The following RHBDL3 variants were observed in gnomAD, a reference collection of about 807,000 sequenced individuals.
The protein encoded by RHBDL3 is rhomboid-related protein 3.
A neutral mutation model predicts 48.2 loss-of-function variants in RHBDL3; 28 were observed. That is an observed-to-expected ratio of 0.58 (90% CI 0.43 to 0.80). RHBDL3 has a LOEUF of 0.80. RHBDL3 is among the 30% of genes least tolerant of loss of function. RHBDL3 has a pLI of 0.00. For synonymous variants in RHBDL3, 208 were observed against 232.3 expected, an observed-to-expected ratio of 0.90 and a Z score of 0.95; for missense variants, 464 against 542.7, an observed-to-expected ratio of 0.85 and a Z score of 1.44.
rs550154434 is a variant in RHBDL3, at chr17:32,287,120, G to A, written c.295-1672G>A. Among the ~76,000 whole-genome samples, 15 of 152,280 alleles carry A rather than the reference G, an allele frequency of 9.9e-5. 1 individual carries two copies. The East Asian group carries it at 2.9e-3, about 29-fold the overall frequency. On this transcript the variant is annotated intron_variant, in intron 3 of 8. Transcript: ENST00000269051. ...CCTTTTTTACTGTTTTTACACTTCT[G>A]TCTCCACTTGTAAGCTCCATGAGGC...
chr17:32,295,478 G>C (rs1490447503), intron 5 of RHBDL3, among the ~76,000 whole-genome samples: 1 of 152,254 alleles, frequency 6.6e-6, no homozygotes, highest in Non-Finnish European at 1.5e-5. Context: ...GGAGCAGCGG[G>C]ATGGCTGTCA....
At chr17:32,308,268 C>T (rs1396427781) in intron 7 of RHBDL3, among the ~76,000 whole-genome samples, 1 of 152,172 alleles carries the variant, frequency 6.6e-6, no homozygotes, top group Non-Finnish European at 1.5e-5. Flanking sequence ...CAGAGCATGA[C>T]ACATGGGGAG....
intron 2 of RHBDL3, among the ~76,000 whole-genome samples, chr17:32,274,679 G>T (rs1250557166): frequency 1.3e-5 from 2 of 152,112 alleles, no homozygotes; most frequent in Non-Finnish European, 2.9e-5. Flanking sequence ...GACCAGCCTG[G>T]TCAACATAAC....
chr17:32,275,412 C>G (rs1040490868), intron 2 of RHBDL3, among the ~76,000 whole-genome samples: 3 of 152,148 alleles, frequency 2.0e-5, no homozygotes, highest in Non-Finnish European at 4.4e-5. Context: ...GCCTGGGAGG[C>G]CTTGTGAGGA....
intron 2 of RHBDL3, among the ~76,000 whole-genome samples, chr17:32,276,142 G>A (rs1007732915): frequency 6.6e-6 from 1 of 152,042 alleles, no homozygotes; most frequent in African/African-American, 2.4e-5. Context: ...AAACAAATGT[G>A]AAAGTCAGTA....
chr17:32,290,987 C>T (rs1020278716), intron 4 of RHBDL3, among the ~76,000 whole-genome samples: 1 of 127,802 alleles, frequency 7.8e-6, no homozygotes, highest in Non-Finnish European at 1.5e-5. Context: ...AGTGACAGAG[C>T]GAGACCCTGT....
chr17:32,302,708 G>C (rs1461119307), intron 6 of RHBDL3, among the ~76,000 whole-genome samples: 1 of 152,072 alleles, frequency 6.6e-6, no homozygotes, highest in East Asian at 1.9e-4. Context: ...TCACCAATGT[G>C]GGGGCAGGTG....
chr17:32,310,704 C>T (rs2040824179), intron 7 of RHBDL3, among the ~76,000 whole-genome samples: 1 of 139,660 alleles, frequency 7.2e-6, no homozygotes, highest in Non-Finnish European at 1.6e-5. Context: ...CAGATAGAGA[C>T]TCCGTCTAAA....
intron 6 of RHBDL3, 118 bp downstream of exon 6, chr17:32,298,322 G>A: frequency 1.6e-6 from 1 of 623,332 alleles, no homozygotes; most frequent in Non-Finnish European, 2.8e-6. Context: ...CATCTCCAAG[G>A]CTCCTGACTT....
At chr17:32,298,369 G>T (rs145987993) in intron 6 of RHBDL3, among the ~76,000 whole-genome samples, 165 bp downstream of exon 6, 80 of 152,368 alleles carry the variant, frequency 5.3e-4, no homozygotes, top group African/African-American at 1.8e-3. Context: ...ACCTCCCTAT[G>T]AGGCTGGAGA....
At chr17:32,271,019 G>A (rs963329259) in intron 2 of RHBDL3, among the ~76,000 whole-genome samples, 2 of 152,108 alleles carry the variant, frequency 1.3e-5, no homozygotes, top group Admixed American at 1.3e-4. Context: ...AACATAGCGA[G>A]ACCCCACCTC....
Position 32,321,101 on chromosome 17 carries a change from C to T in RHBDL3, c.1087C>T (p.Gln363Ter). ...CGTGGTGGTCCTGAGGAACTACGAG[C>T]AGAGGCTCCAGGACCAGTCACTGTG... ...LGVVVLRNYEQRLQDQSLWWI... is the reference protein window; with the variant it reads ...LGVVVLRNYE Residue 363 changes from glutamine to a stop codon, truncating the protein, a stop_gained, in exon 9 of 9, where the codon CAG becomes TAG. Transcript: ENST00000269051. LOFTEE classifies it high-confidence loss of function. The T allele has an allele frequency of 1.9e-6, 3 of 1,614,248 alleles. No individual in the cohort carries two copies. The South Asian group carries it at 3.3e-5, about 18-fold the overall frequency.
At chr17:32,299,992 G>A (rs1053274918) in intron 6 of RHBDL3, among the ~76,000 whole-genome samples, 3 of 152,160 alleles carry the variant, frequency 2.0e-5, no homozygotes, top group Admixed American at 6.6e-5. Flanking sequence ...TAGATTGGAC[G>A]GGTGGCACTT....
chr17:32,319,059 G>C (rs954093950), intron 8 of RHBDL3, among the ~76,000 whole-genome samples: 1 of 151,690 alleles, frequency 6.6e-6, no homozygotes, highest in South Asian at 2.1e-4. Context: ...TAGCTTCTGC[G>C]TCTGCTTAGG....
Position 32,316,304 on chromosome 17 carries a change from T to C in RHBDL3, c.943+12T>C. On this transcript the variant is annotated intron_variant, in intron 8 of 8. Coordinates refer to ENST00000269051, the MANE Select transcript of RHBDL3 (RefSeq NM_138328.3). ...GGCCCTTATCTGTAGTAAGTACTGA[T>C]GGGGCGCTGGGGAACCAAAGCCTGG... 4 of 1,606,852 alleles carry C rather than the reference T, an allele frequency of 2.5e-6. No individual in the cohort carries two copies. Among genetic ancestry groups the C allele is most frequent in the Non-Finnish European group, 3.4e-6 (4 of 1,173,714 alleles).
intron 5 of RHBDL3, 38 bp from the exon 6 acceptor site, chr17:32,298,054 G>A (rs911518272): frequency 1.5e-6 from 2 of 1,337,900 alleles, no homozygotes; most frequent in African/African-American, 1.4e-5. Flanking sequence ...ATGAATGAAT[G>A]AATAGATGAA....
chr17:32,282,953 A>G (rs11080177), intron 2 of RHBDL3, among the ~76,000 whole-genome samples: 86,540 of 152,038 alleles, frequency 0.57, 27,878 homozygotes, highest in African/African-American at 0.89. Context: ...CCCATGACTG[A>G]GACTCCTGAC....
chr17:32,282,984 A>C (rs2040094476), intron 2 of RHBDL3, among the ~76,000 whole-genome samples: 2 of 152,228 alleles, frequency 1.3e-5, no homozygotes, highest in African/African-American at 4.8e-5. Flanking sequence ...TGATTTTCTC[A>C]GAAATGCTAC....
At position 32,273,001 on chromosome 17, in the gene RHBDL3, TTTTG is replaced by T. The variant is rs370826206; in HGVS notation, c.135+5088_135+5091del. Among the ~76,000 whole-genome samples the T allele has an allele frequency of 6.0e-3, 910 of 152,000 alleles. 12 individuals are homozygous for T. The highest frequency in any genetic ancestry group is 0.021 in the African/African-American group (854 of 41,300). On this transcript the variant is annotated intron_variant, in intron 2 of 8. Coordinates refer to ENST00000269051, the MANE Select transcript of RHBDL3 (RefSeq NM_138328.3). ...TCCAGTCTGCTCATTTTGTTTTTGT[TTTTG>T]TTTGTTTGTTTTGAGACATAGTTTC...
Sources: gnomAD v4.1 joint callset for allele counts (sites outside exome capture counted in the v4.1 genomes callset) on GRCh38, gnomAD v4.1.1 for gene constraint, MANE v1.5 for transcripts, NCBI Gene and HGNC (gene_info 2026-07-23, HGNC 2026-07-21) for gene names.